The following N4BP2 variants were observed in gnomAD, a reference collection of about 807,000 sequenced individuals.
N4BP2 encodes the protein NEDD4 binding protein 2.
Under a neutral mutation model 152.8 loss-of-function variants are expected in N4BP2, and 91 were observed. The ratio of observed to expected loss-of-function variants is 0.60; its 90% CI spans 0.50 to 0.71. N4BP2 has a LOEUF of 0.71. N4BP2 is among the 30% of genes least tolerant of loss of function. N4BP2 has a pLI of 0.00. For missense variants in N4BP2, 1,923 were observed against 2,059.1 expected, an observed-to-expected ratio of 0.93 and a Z score of 1.28; for synonymous variants, 646 against 705.3, an observed-to-expected ratio of 0.92 and a Z score of 1.33.
the N4BP2 span, among the ~76,000 whole-genome samples, chr4:40,173,409 C>T: frequency 3.9e-5 from 6 of 152,160 alleles, no homozygotes; most frequent in South Asian, 2.1e-4. Flanking sequence ...CCCCTGTCCT[C>T]AAGGATTTAC....
chr4:40,189,958 T>C, the N4BP2 span, among the ~76,000 whole-genome samples: 3 of 151,828 alleles, frequency 2.0e-5, no homozygotes. This position sits in a 1 kb window ranked among gnomAD's most constrained non-coding sequence, Gnocchi z 4.3. Context: ...AATAAGACCA[T>C]TGAACATTAA....
chr4:40,147,932 G>A (rs1385504906), intron 16 of N4BP2, among the ~76,000 whole-genome samples: 1 of 151,986 alleles, frequency 6.6e-6, no homozygotes, highest in Non-Finnish European at 1.5e-5. Flanking sequence ...CAGACGATGG[G>A]CGGCCGGGCA....
At chr4:40,171,375 A>G in the N4BP2 span, among the ~76,000 whole-genome samples, 1 of 152,088 alleles carries the variant, frequency 6.6e-6, no homozygotes, top group East Asian at 1.9e-4. Flanking sequence ...TGTTGGTGCT[A>G]CCTTTGCTTC....
chr4:40,128,677 G>A (rs916207003), intron 12 of N4BP2, among the ~76,000 whole-genome samples: 30 of 151,546 alleles, frequency 2.0e-4, no homozygotes, highest in African/African-American at 7.3e-5. Flanking sequence ...ACAGGCATGC[G>A]CCACCATACC....
chr4:40,061,682 TG>T (rs1452153637), intron 1 of N4BP2, among the ~76,000 whole-genome samples: 1 of 149,810 alleles, frequency 6.7e-6, no homozygotes, highest in East Asian at 2.0e-4. Context: ...TTTTTTTTTT[TG>T]GGTGGAGTTT....
the N4BP2 span, among the ~76,000 whole-genome samples, chr4:40,174,484 C>A: frequency 6.6e-6 from 1 of 152,000 alleles, no homozygotes; most frequent in East Asian, 1.9e-4. Context: ...TGGAAACAAC[C>A]TAAGTGTGTG....
At chr4:40,127,814 C>T (rs895017047) in intron 12 of N4BP2, among the ~76,000 whole-genome samples, 1 of 152,108 alleles carries the variant, frequency 6.6e-6, no homozygotes, top group Non-Finnish European at 1.5e-5. Context: ...GTGCCTGCCA[C>T]CGCGCCCGGC....
the N4BP2 span, among the ~76,000 whole-genome samples, chr4:40,180,603 A>G: frequency 4.6e-5 from 7 of 152,252 alleles, no homozygotes; most frequent in African/African-American, 1.7e-4. Flanking sequence ...CAATCAATTC[A>G]GTTCACAATT....
chr4:40,142,347 G>A, intron 14 of N4BP2: 1 of 312,844 alleles, frequency 3.2e-6, no homozygotes, highest in Non-Finnish European at 6.2e-6. Flanking sequence ...GGGTGACTGG[G>A]TGGTGGTTTT....
In N4BP2 at chr4:40,121,779, GTGC is replaced by G; in HGVS notation, c.3674_3676del (p.Ala1225del). ...GAATCGATGACAAGTATATTTCCCAGTGCTGCTGTGGGTCTAAAGAATAATAAT... is the reference window on the plus strand; with the variant it reads ...GAATCGATGACAAGTATATTTCCCAGTGCTGTGGGTCTAAAGAATAATAAT... On this transcript the variant is annotated inframe_deletion, in exon 9 of 18. Coordinates refer to ENST00000261435, the MANE Select transcript of N4BP2 (RefSeq NM_018177.6). The G allele has an allele frequency of 6.2e-7, 1 of 1,614,030 alleles. No individual in the cohort carries two copies. The highest frequency in any genetic ancestry group is 8.5e-7 in the Non-Finnish European group (1 of 1,180,004).
At chr4:40,099,005 G>A (rs1044919552) in intron 3 of N4BP2, among the ~76,000 whole-genome samples, 6 of 151,984 alleles carry the variant, frequency 3.9e-5, no homozygotes, top group African/African-American at 7.2e-5. Flanking sequence ...TACGTTTTTC[G>A]TGAATAATTA....
chr4:40,158,492 A>C (rs766669111), downstream of N4BP2, among the ~76,000 whole-genome samples: 6 of 152,160 alleles, frequency 3.9e-5, no homozygotes, highest in Non-Finnish European at 8.8e-5. Flanking sequence ...ACTGATATCA[A>C]AATTAAGAAT....
Position 40,097,538 on chromosome 4 carries a change from G to A in N4BP2, c.198G>A (p.Val66=), listed in dbSNP as rs756527174. Residue 66 remains valine (V), a synonymous_variant, in exon 3 of 18, where the codon GTG becomes GTA. Transcript: ENST00000261435. ...EIFSDLDPDV[V]YLMLSECDFK... The stretch of plus-strand genomic sequence containing the variant: ...TTTCTGATCTGGATCCTGATGTAGT[G>A]TATTTGATGCTTTCTGAATGTGATT... 1 of 1,612,966 alleles carries A rather than the reference G, an allele frequency of 6.2e-7. No homozygotes were observed. Among genetic ancestry groups the A allele is most frequent in the Non-Finnish European group, 8.5e-7 (1 of 1,179,056 alleles).
the N4BP2 span, among the ~76,000 whole-genome samples, chr4:40,180,756 A>G: frequency 1.3e-5 from 2 of 152,238 alleles, no homozygotes; most frequent in African/African-American, 4.8e-5. Context: ...GGTGAGGTTA[A>G]TCTATTTTCC....
intron 16 of N4BP2, among the ~76,000 whole-genome samples, chr4:40,146,647 A>G (rs1269752364): frequency 6.6e-6 from 1 of 152,202 alleles, no homozygotes; most frequent in Non-Finnish European, 1.5e-5. Flanking sequence ...TACATCACCT[A>G]TTGTTACCAT....
At position 40,145,056 on chromosome 4, in the gene N4BP2, C is replaced by T. The variant is rs189681719; in HGVS notation, c.5143+256C>T. Among the ~76,000 whole-genome samples, 22 of 152,290 alleles carry T rather than the reference C, an allele frequency of 1.4e-4. No homozygotes were observed. In the East Asian group the frequency reaches 4.1e-3, roughly 28 times the overall value. On this transcript the variant is annotated intron_variant, in intron 16 of 17. Coordinates refer to ENST00000261435, the MANE Select transcript of N4BP2 (RefSeq NM_018177.6). ...GGGCATGGTGTAATCTGCGAATCCTCTCTGTGACTTATAAATGAGACCTTT... is the reference window on the plus strand; with the variant it reads ...GGGCATGGTGTAATCTGCGAATCCTTTCTGTGACTTATAAATGAGACCTTT...
At chr4:40,142,522 T>TA (rs1480122964) in intron 14 of N4BP2, 151 bp from the exon 15 acceptor site, 10 of 595,200 alleles carry the variant, frequency 1.7e-5, no homozygotes, top group Admixed American at 6.0e-5. Context: ...ATGCCTGACT[T>TA]ACAAGGTAGA....
Position 40,144,768 on chromosome 4 carries a change from A to G in N4BP2, c.5111A>G (p.His1704Arg), listed in dbSNP as rs1372939850. ...CTGCATGTGGATGAAGCTCTAGAAC[A>G]TTTGATGAGAGTTTTAGAGAAGAAG... The part of the protein sequence containing the change: ...HGLHVDEALE[H>R]LMRVLEKKTE... The change falls in exon 16 of 18, where the codon CAT becomes CGT. Residue 1704 changes from histidine to arginine, a missense_variant. His to Arg is a conservative substitution (Grantham distance 29). Transcript: ENST00000261435. The G allele has an allele frequency of 1.2e-6, 2 of 1,612,290 alleles. No homozygotes were observed. The highest frequency in any genetic ancestry group is 1.7e-5 in the Admixed American group (1 of 59,608).
At chr4:40,174,880 G>T in the N4BP2 span, among the ~76,000 whole-genome samples, 2 of 151,292 alleles carry the variant, frequency 1.3e-5, no homozygotes, top group Non-Finnish European at 2.9e-5. Context: ...ATAGACTCTG[G>T]GATATTATTC....
Sources: allele counts gnomAD v4.1 joint callset (sites outside exome capture counted in the v4.1 genomes callset), GRCh38; gene constraint gnomAD v4.1.1; non-coding constraint Gnocchi (gnomAD v3.1); transcripts MANE v1.5; gene names NCBI Gene and HGNC (gene_info 2026-07-23, HGNC 2026-07-21).